The following SAMD4A variants were observed in gnomAD, a reference collection of about 807,000 sequenced individuals.
SAMD4A encodes the protein protein Smaug homolog 1.
SAMD4A carries 33 observed loss-of-function variants against 81.3 expected under a neutral mutation model. The observed-to-expected ratio is 0.41, with a 90% CI of 0.31 to 0.54. The LOEUF (loss-of-function observed/expected upper bound fraction) is 0.54. Among genes scored for constraint, SAMD4A ranks in the 20% least tolerant of loss-of-function variants. The pLI, the probability that SAMD4A is intolerant of heterozygous loss-of-function variation, is 0.37. For synonymous variants in SAMD4A, 389 were observed against 382.1 expected, an observed-to-expected ratio of 1.02 and a Z score of -0.21; for missense variants, 854 against 951.1, an observed-to-expected ratio of 0.90 and a Z score of 1.34.
rs548473167 is a variant in SAMD4A, at chr14:54,774,982, C to T, written c.1764C>T (p.Gly588=). 11 of 1,614,210 alleles carry T rather than the reference C, an allele frequency of 6.8e-6. No homozygotes were observed. The highest frequency in any genetic ancestry group is 5.5e-5 in the South Asian group (5 of 91,082). Residue 588 remains glycine, a synonymous_variant, in exon 10 of 13, where the codon GGC becomes GGT. Coordinates refer to ENST00000554335, the MANE Select transcript of SAMD4A (RefSeq NM_015589.6). ...SNSLPTAGSV[G]GGMGRRNPRQ... is the part of the protein sequence containing the mutation. ...CCCTCCCGACGGCTGGCTCTGTGGGCGGTGGCATGGGCAGACGGAACCCGC... is the reference window on the plus strand; with the variant it reads ...CCCTCCCGACGGCTGGCTCTGTGGGTGGTGGCATGGGCAGACGGAACCCGC...
Position 54,615,852 on chromosome 14 carries a change from A to G in SAMD4A, c.196+47740A>G, listed in dbSNP as rs566685756. Among the ~76,000 whole-genome samples, 121 of 152,180 alleles carry G rather than the reference A, an allele frequency of 8.0e-4. 1 individual carries two copies. Among genetic ancestry groups the G allele is most frequent in the African/African-American group, 2.7e-3 (110 of 41,506 alleles). ...AAAATATAATATTTAAAAATGCTTT[A>G]CTCCATTATTTTAATACGTATAGGG... On this transcript the variant is annotated intron_variant, in intron 2 of 12. Transcript: ENST00000554335.
chr14:54,640,056 G>A (rs574440062), intron 2 of SAMD4A, among the ~76,000 whole-genome samples: 2 of 151,572 alleles, frequency 1.3e-5, no homozygotes, highest in South Asian at 4.2e-4. Context: ...GATTTTGTTT[G>A]CAGTGTACCC....
chr14:54,595,762 T>C (rs1029495235), intron 2 of SAMD4A, among the ~76,000 whole-genome samples: 2 of 152,208 alleles, frequency 1.3e-5, no homozygotes, highest in Non-Finnish European at 2.9e-5. Context: ...AACATTCTTA[T>C]GTGGGCATTT....
chr14:54,687,881 C>T (rs1444887094), intron 2 of SAMD4A: 7 of 855,850 alleles, frequency 8.2e-6, no homozygotes, highest in Admixed American at 5.9e-5. Context: ...ATCAGGGCCA[C>T]GTGTCCCTGA....
intron 10 of SAMD4A, 130 bp downstream of exon 10, chr14:54,775,265 C>T: frequency 2.1e-6 from 2 of 946,800 alleles, no homozygotes; most frequent in East Asian, 2.5e-5. Flanking sequence ...TGCCACCATT[C>T]CTCAGAGGTA....
At chr14:54,594,742 G>A (rs1372589720) in intron 2 of SAMD4A, among the ~76,000 whole-genome samples, 1 of 152,174 alleles carries the variant, frequency 6.6e-6, no homozygotes, top group African/African-American at 2.4e-5. Context: ...AATCATGAAT[G>A]AATTTAAAAT....
intron 3 of SAMD4A, among the ~76,000 whole-genome samples, chr14:54,724,028 G>GGAA (rs1202055841): frequency 2.0e-5 from 3 of 151,136 alleles, no homozygotes; most frequent in East Asian, 3.9e-4. Flanking sequence ...AAGGAAGGAA[G>GGAA]GAAGGAAGGA....
intron 2 of SAMD4A, among the ~76,000 whole-genome samples, chr14:54,612,937 T>G (rs1281183001): frequency 1.3e-5 from 2 of 151,996 alleles, no homozygotes; most frequent in Non-Finnish European, 2.9e-5. Context: ...GCCAACATGG[T>G]GAAACCCTGT....
chr14:54,682,215 G>A (rs2036145386), intron 2 of SAMD4A, among the ~76,000 whole-genome samples: 2 of 152,286 alleles, frequency 1.3e-5, no homozygotes, highest in South Asian at 4.2e-4. Flanking sequence ...GAGTCCATAC[G>A]TCACATTCCC....
intron 5 of SAMD4A, among the ~76,000 whole-genome samples, chr14:54,750,426 G>T (rs767209265): frequency 6.6e-6 from 1 of 152,082 alleles, no homozygotes; most frequent in Admixed American, 6.6e-5. Context: ...TTTGAGAGAC[G>T]GCTGTCTATC....
chr14:54,741,634 T>C (rs1168971059), intron 4 of SAMD4A, among the ~76,000 whole-genome samples: 1 of 152,232 alleles, frequency 6.6e-6, no homozygotes, highest in African/African-American at 2.4e-5. Flanking sequence ...AGTGCCCTGC[T>C]ATGAAAATAT....
chr14:54,768,205 T>C (rs907117370), intron 8 of SAMD4A, among the ~76,000 whole-genome samples: 3 of 152,202 alleles, frequency 2.0e-5, no homozygotes, highest in African/African-American at 7.2e-5. Flanking sequence ...CAAGGTCATG[T>C]TGAATACTTA....
At chr14:54,603,232 G>T (rs1410554446) in intron 2 of SAMD4A, among the ~76,000 whole-genome samples, 1 of 152,212 alleles carries the variant, frequency 6.6e-6, no homozygotes, top group Non-Finnish European at 1.5e-5. Flanking sequence ...GTAGTCTCCA[G>T]TTGCTGAGAC....
At chr14:54,681,368 T>C (rs2036123659) in intron 2 of SAMD4A, among the ~76,000 whole-genome samples, 1 of 152,322 alleles carries the variant, frequency 6.6e-6, no homozygotes, top group South Asian at 2.1e-4. Flanking sequence ...ATTAAATAGG[T>C]AAATGTGATT....
intron 2 of SAMD4A, among the ~76,000 whole-genome samples, chr14:54,656,987 TCCCAC>T (rs2035535369): frequency 6.6e-6 from 1 of 151,714 alleles, no homozygotes; most frequent in African/African-American, 2.4e-5. Context: ...ATTTCTCCTC[TCCCAC>T]CCCGCCGGAG....
At chr14:54,694,861 G>A (rs2036538706) in intron 2 of SAMD4A, 2 of 985,510 alleles carry the variant, frequency 2.0e-6, no homozygotes, top group Non-Finnish European at 2.4e-6. Flanking sequence ...GCCGGTACCT[G>A]GGGAAAAAGT....
At chr14:54,685,280 C>CG (rs891845004) in intron 2 of SAMD4A, among the ~76,000 whole-genome samples, 20 of 148,498 alleles carry the variant, frequency 1.3e-4, no homozygotes, top group African/African-American at 4.1e-4. Flanking sequence ...TCCTGCCCCC[C>CG]CCCCCAGCTC....
rs1391435149 is a variant in SAMD4A at position 54,784,682 on chromosome 14, CAT to C, written c.2128+63_2128+64del. ...TTACCGTGTGCCTGGGAGAACTGGCCATCTGCTGTCTATACCGTGGCAGGAGC... is the reference window on the plus strand; with the variant it reads ...TTACCGTGTGCCTGGGAGAACTGGCCCTGCTGTCTATACCGTGGCAGGAGC... On this transcript the variant is annotated intron_variant, in intron 12 of 12. Transcript: ENST00000554335. The C allele has an allele frequency of 2.0e-5, 28 of 1,423,050 alleles. No individual in the cohort carries two copies. The African/African-American group carries it at 3.7e-4, about 19-fold the overall frequency. The allele number at this position is 1,423,050 out of a possible 1,614,324, so 88.2% of individuals were successfully genotyped here. A position where few individuals can be genotyped will look rare whatever the true frequency, so the allele number is the denominator to read the frequency against.
chr14:54,596,081 G>A (rs894232774), intron 2 of SAMD4A, among the ~76,000 whole-genome samples: 2 of 152,156 alleles, frequency 1.3e-5, no homozygotes, highest in African/African-American at 4.8e-5. Context: ...ATTTAGTGTG[G>A]TAACTAGATA....
Sources: gnomAD v4.1 joint callset for allele counts (sites outside exome capture counted in the v4.1 genomes callset) on GRCh38, gnomAD v4.1.1 for gene constraint, MANE v1.5 for transcripts, NCBI Gene and HGNC (gene_info 2026-07-23, HGNC 2026-07-21) for gene names.